The following CRYBG1 variants were observed in gnomAD, a reference collection of about 807,000 sequenced individuals.
CRYBG1 encodes beta/gamma crystallin domain-containing protein 1.
A neutral mutation model predicts 189.2 loss-of-function variants in CRYBG1; 139 were observed. That is an observed-to-expected ratio of 0.73 (90% CI 0.64 to 0.85). The LOEUF (loss-of-function observed/expected upper bound fraction) is 0.85, where lower values mean the gene tolerates loss of function less well. Ranked by LOEUF, CRYBG1 falls within the 40% of genes least tolerant of loss-of-function variation. The pLI is 0.00. For missense variants in CRYBG1, 2,611 were observed against 2,675.8 expected, an observed-to-expected ratio of 0.98 and a Z score of 0.53; for synonymous variants, 1,023 against 1,017.1, an observed-to-expected ratio of 1.01 and a Z score of -0.11.
chr6:106,510,335 C>G (rs1260203838), intron 2 of CRYBG1, among the ~76,000 whole-genome samples: 1 of 152,244 alleles, frequency 6.6e-6, no homozygotes, highest in Non-Finnish European at 1.5e-5. Context: ...CCGCACCTAC[C>G]CAGTCCCCAC....
intron 4 of CRYBG1, among the ~76,000 whole-genome samples, chr6:106,523,487 A>T (rs1773656402): frequency 6.6e-6 from 1 of 152,174 alleles, no homozygotes; most frequent in South Asian, 2.1e-4. Flanking sequence ...AATCAAGTCA[A>T]ATGACATAAA....
intron 2 of CRYBG1, among the ~76,000 whole-genome samples, chr6:106,460,136 G>A (rs1194943615): frequency 6.6e-5 from 9 of 136,000 alleles, no homozygotes; most frequent in Admixed American, 8.0e-5. Context: ...ACAGGCGCCC[G>A]CCACCACGCC....
intron 3 of CRYBG1, among the ~76,000 whole-genome samples, chr6:106,515,285 C>A (rs752337880): frequency 2.0e-5 from 3 of 152,168 alleles, no homozygotes; most frequent in African/African-American, 7.2e-5. Flanking sequence ...ATTATAGGAG[C>A]CTTCCTTTTA....
chr6:106,555,952 G>A, intron 17 of CRYBG1, 55 bp downstream of exon 17: 1 of 1,603,688 alleles, frequency 6.2e-7, no homozygotes, highest in Non-Finnish European at 8.5e-7. Flanking sequence ...TATAGCTGAT[G>A]GTCAGAGTGA....
At chr6:106,541,543 T>G in intron 9 of CRYBG1, 43 bp from the exon 10 acceptor site, 2 of 1,578,846 alleles carry the variant, frequency 1.3e-6, no homozygotes, top group South Asian at 2.2e-5. Flanking sequence ...AATGGTAATG[T>G]ATCAGTGAAA....
chr6:106,559,059 T>C (rs1276811494), intron 18 of CRYBG1, among the ~76,000 whole-genome samples: 2 of 152,228 alleles, frequency 1.3e-5, no homozygotes, highest in African/African-American at 4.8e-5. Context: ...TTAATAATTA[T>C]GCACCTTTGT....
intron 1 of CRYBG1, among the ~76,000 whole-genome samples, chr6:106,440,413 C>T (rs1381808106): frequency 6.6e-6 from 1 of 151,476 alleles, no homozygotes; most frequent in East Asian, 1.9e-4. Flanking sequence ...TGTAGGCGCA[C>T]ACCACCATGC....
At chr6:106,389,678 C>T (rs1050189647) in intron 1 of CRYBG1, among the ~76,000 whole-genome samples, 1 of 152,002 alleles carries the variant, frequency 6.6e-6, no homozygotes, top group African/African-American at 2.4e-5. Flanking sequence ...TATGAAGTAA[C>T]TTATATATGT....
chr6:106,402,115 GAACTACA>G lies in CRYBG1; in HGVS notation c.173+41038_173+41044del, dbSNP rs1233027707. On this transcript the variant is annotated intron_variant, in intron 1 of 21. Coordinates refer to ENST00000633556, the MANE Select transcript of CRYBG1 (RefSeq NM_001371242.2). ...GGGATGTGAAGGACCTCTTCAAGGA[GAACTACA>G]AACCACTGCTCAAGGAAATAAAAGA... Among the ~76,000 whole-genome samples the G allele has an allele frequency of 2.7e-5, 3 of 111,190 alleles. No homozygotes were observed. The South Asian group carries it at 1.1e-3, about 42-fold the overall frequency. 72.9% of individuals were successfully genotyped at this position (111,190 alleles called of 152,430 possible). A position where few individuals can be genotyped will look rare whatever the true frequency, so the allele number is the denominator to read the frequency against.
intron 2 of CRYBG1, among the ~76,000 whole-genome samples, chr6:106,466,598 C>T (rs1029655112): frequency 2.6e-5 from 4 of 152,088 alleles, no homozygotes; most frequent in Admixed American, 6.5e-5. Flanking sequence ...TAAACCAAGC[C>T]TTTAGAAATG....
chr6:106,481,593 A>C (rs1191189829), intron 2 of CRYBG1, among the ~76,000 whole-genome samples: 1 of 152,130 alleles, frequency 6.6e-6, no homozygotes, highest in African/African-American at 2.4e-5. Context: ...ACCCTTCTGC[A>C]TCCTACTGTG....
At chr6:106,505,180 C>G (rs147441165) in intron 2 of CRYBG1, among the ~76,000 whole-genome samples, 1 of 151,864 alleles carries the variant, frequency 6.6e-6, no homozygotes, top group Non-Finnish European at 1.5e-5. Context: ...CTGCAACCTC[C>G]GCCTCCCGGG....
chr6:106,498,977 G>A (rs1772921120), intron 2 of CRYBG1, among the ~76,000 whole-genome samples: 1 of 151,794 alleles, frequency 6.6e-6, no homozygotes, highest in African/African-American at 2.4e-5. Context: ...TAATGCCCTG[G>A]GGAAAAATAA....
At chr6:106,553,646 C>G (rs766645539) in intron 16 of CRYBG1, 79 bp downstream of exon 16, 2 of 959,394 alleles carry the variant, frequency 2.1e-6, no homozygotes, top group Admixed American at 3.7e-5. Flanking sequence ...TATAGTGATG[C>G]CTGTTAGGTG....
chr6:106,532,901 T>C (rs899768616), intron 8 of CRYBG1, among the ~76,000 whole-genome samples: 3 of 151,848 alleles, frequency 2.0e-5, no homozygotes, highest in Non-Finnish European at 4.4e-5. Flanking sequence ...CCCAAAAGAG[T>C]GTCTATGAGA....
At chr6:106,496,301 T>C (rs1380188463) in intron 2 of CRYBG1, among the ~76,000 whole-genome samples, 1 of 152,212 alleles carries the variant, frequency 6.6e-6, no homozygotes, top group Non-Finnish European at 1.5e-5. Flanking sequence ...AAAGCCCCGA[T>C]TAAATGTTGG....
In CRYBG1 at chr6:106,454,014, G is replaced by T. The variant is rs576972521; in HGVS notation, c.312+2182G>T. ...GTCACTGGAATGGGGTCAGCCAGGC[G>T]CTGTCTCTACTCTCTACTCACTGTA... On this transcript the variant is annotated intron_variant, in intron 2 of 21. Transcript: ENST00000633556. Among the ~76,000 whole-genome samples the T allele has an allele frequency of 3.3e-5, 5 of 152,212 alleles. No homozygotes were observed. The South Asian group carries it at 8.3e-4, about 25-fold the overall frequency.
At chr6:106,517,688 A>C (rs566083675) in intron 3 of CRYBG1, among the ~76,000 whole-genome samples, 102 of 152,106 alleles carry the variant, frequency 6.7e-4, no homozygotes, top group African/African-American at 2.4e-3. Flanking sequence ...TCCTTCAACC[A>C]TAAGTTGGGG....
intron 1 of CRYBG1, among the ~76,000 whole-genome samples, chr6:106,384,755 T>G (rs577127220): frequency 1.3e-5 from 2 of 152,162 alleles, no homozygotes; most frequent in African/African-American, 4.8e-5. Context: ...TAAAACATAC[T>G]TTTAAGGCCA....
Sources: allele counts gnomAD v4.1 joint callset (sites outside exome capture counted in the v4.1 genomes callset), GRCh38; gene constraint gnomAD v4.1.1; transcripts MANE v1.5; gene names NCBI Gene and HGNC (gene_info 2026-07-23, HGNC 2026-07-21).